The following ALDH7A1 variants were observed in gnomAD, a reference collection of about 807,000 sequenced individuals.
The protein encoded by ALDH7A1 is aldehyde dehydrogenase 7 family member A1.
A neutral mutation model predicts 79.9 loss-of-function variants in ALDH7A1; 63 were observed. The observed-to-expected ratio is 0.79, with a 90% CI of 0.64 to 0.97. The LOEUF (loss-of-function observed/expected upper bound fraction) is 0.97. Among genes scored for constraint, ALDH7A1 ranks in the 50% least tolerant of loss-of-function variants. The pLI, the probability that ALDH7A1 is intolerant of heterozygous loss-of-function variation, is 0.00. For missense variants in ALDH7A1, 627 were observed against 665.2 expected (o/e 0.94, Z 0.63); for synonymous variants, 240 against 231.2 (o/e 1.04, Z -0.34).
Position 126,570,793 on chromosome 5 carries a change from T to A in ALDH7A1, c.762A>T (p.Gly254=). ...GCCTAGTAACCTACCCAATATCTGC[T>A]CCACCACAAGTCAAGGAACAAATTG... ...PGAICSLTCG[G]ADIGTAMAKD... The change falls in exon 8 of 18, where the codon GGA becomes GGT. Residue 254 remains glycine, a synonymous_variant. Transcript: ENST00000409134. 1.2e-6 allele frequency: 2 copies of A among 1,613,950 alleles called. No homozygotes were observed. The highest frequency in any genetic ancestry group is 2.7e-5 in the African/African-American group (2 of 75,030).
chr5:126,549,420 T>C (rs1749913090), intron 16 of ALDH7A1: 1 of 156,084 alleles, frequency 6.4e-6, no homozygotes, highest in Non-Finnish European at 1.4e-5. Context: ...ATACAATGGT[T>C]AGGGAGAGTT....
chr5:126,565,277 C>T (rs1750535241), intron 9 of ALDH7A1, among the ~76,000 whole-genome samples: 1 of 151,616 alleles, frequency 6.6e-6, no homozygotes. Flanking sequence ...CCTGTAATCC[C>T]AGCTACTTGG....
rs1554097444 is a variant in ALDH7A1, at chr5:126,542,146, G to GAC, written c.*2818_*2819insGT. 2.1e-5 allele frequency: 2 copies of GAC among 94,556 alleles called. No homozygotes were observed. Among genetic ancestry groups the GAC allele is most frequent in the Admixed American group, 1.1e-4 (1 of 9,400 alleles). The allele number at this position is 94,556 out of a possible 1,614,324, so 5.9% of individuals were successfully genotyped here. On this transcript the variant is annotated 3_prime_UTR_variant, in exon 18 of 18. Coordinates refer to ENST00000409134, the MANE Select transcript of ALDH7A1 (RefSeq NM_001182.5). ...TTCTGCAGGATAAGCTCCAGGTGTA[G>GAC]AAAAAAAAAAAAAAAAAAAAGTTTG...
chr5:126,589,472 T>C (rs1751468149), intron 3 of ALDH7A1, among the ~76,000 whole-genome samples: 2 of 151,704 alleles, frequency 1.3e-5, no homozygotes, highest in Non-Finnish European at 1.5e-5. Flanking sequence ...TTTGTTTTTG[T>C]TTTTTTTAAG....
At chr5:126,571,567 G>C (rs1750778570) in intron 7 of ALDH7A1, among the ~76,000 whole-genome samples, 1 of 151,818 alleles carries the variant, frequency 6.6e-6, no homozygotes. Context: ...AACTGTCATT[G>C]TTTTCAAGTA....
chr5:126,568,380 G>A, intron 8 of ALDH7A1, 24 bp from the exon 9 acceptor site: 1 of 1,601,684 alleles, frequency 6.2e-7, no homozygotes, highest in Non-Finnish European at 8.6e-7. Flanking sequence ...GACACGGTCG[G>A]CCACCCAAGC....
chr5:126,584,277 A>G (rs993497444), intron 3 of ALDH7A1: 3 of 467,214 alleles, frequency 6.4e-6, no homozygotes, highest in Non-Finnish European at 1.2e-5. Context: ...AATTGCCATC[A>G]GGGTTTTAAA....
intron 7 of ALDH7A1, among the ~76,000 whole-genome samples, chr5:126,573,571 A>G (rs1414843106): frequency 6.6e-6 from 1 of 151,734 alleles, no homozygotes; most frequent in African/African-American, 2.4e-5. Context: ...GGTGGCGCAC[A>G]CCTGTAGTCC....
intron 10 of ALDH7A1, 104 bp from the exon 11 acceptor site, chr5:126,559,438 T>TTG (rs1750323523): frequency 1.3e-6 from 1 of 788,950 alleles, no homozygotes. Flanking sequence ...GTTTTGGTTT[T>TTG]TTTTTTTTTT....
At chr5:126,550,368 C>G in intron 14 of ALDH7A1, 75 bp from the exon 15 acceptor site, 1 of 1,110,862 alleles carries the variant, frequency 9.0e-7, no homozygotes, top group East Asian at 2.4e-5. Context: ...AAACTCATTT[C>G]CTGAAGTGTA....
intron 13 of ALDH7A1, among the ~76,000 whole-genome samples, chr5:126,552,486 G>A (rs546981583): frequency 3.3e-5 from 5 of 152,200 alleles, no homozygotes; most frequent in African/African-American, 4.8e-5. Flanking sequence ...TCCGTCTCCC[G>A]GGTTCAAGCC....
chr5:126,585,804 C>A (rs183331622), intron 3 of ALDH7A1, among the ~76,000 whole-genome samples: 30 of 152,234 alleles, frequency 2.0e-4, no homozygotes, highest in Admixed American at 2.0e-3. Flanking sequence ...CCCAGGTAAT[C>A]CGCCTGCCTC....
chr5:126,595,165 C>G lies in ALDH7A1; in HGVS notation c.34G>C (p.Ala12Pro). 1 of 1,554,632 alleles carries G rather than the reference C, an allele frequency of 6.4e-7. No homozygotes were observed. Among genetic ancestry groups the G allele is most frequent in the Non-Finnish European group, 8.7e-7 (1 of 1,148,618 alleles). ...CCAGAGAGCTTGCTGGTCTTTGCAG[C>G]GTGCACACACAGCGCGCGAGGAAGG... is the stretch of plus-strand genomic sequence containing the variant. ...WRLPRALCVH[A>P]AKTSKLSGPW... The change falls in exon 1 of 18, where the codon GCT becomes CCT. Residue 12 changes from alanine to proline, a missense_variant. Transcript: ENST00000409134.
Position 126,544,693 on chromosome 5 carries a change from A to G in ALDH7A1, c.*272T>C. On this transcript the variant is annotated 3_prime_UTR_variant, in exon 18 of 18. Transcript: ENST00000409134. The stretch of plus-strand genomic sequence containing the variant: ...ATTTTTTTCTAATTACAAAATAATC[A>G]TTAACTTTTAAAAAGCCATGTACAA... 1 of 445,508 alleles carries G rather than the reference A, an allele frequency of 2.2e-6. No homozygotes were observed. Among genetic ancestry groups the G allele is most frequent in the Non-Finnish European group, 4.1e-6 (1 of 243,974 alleles). 27.6% of individuals were successfully genotyped at this position (445,508 alleles called of 1,614,324 possible).
rs376618299 is a variant in ALDH7A1, at chr5:126,555,182, C to T, written c.1093+749G>A. The stretch of plus-strand genomic sequence containing the variant: ...AAAAAGAAGAAATCAAGAGGACTCT[C>T]GGTTTTAATCTAAAAGCAGGCCTGG... On this transcript the variant is annotated intron_variant, in intron 12 of 17. Coordinates refer to ENST00000409134, the MANE Select transcript of ALDH7A1 (RefSeq NM_001182.5). The T allele has an allele frequency of 1.6e-3, 240 of 153,608 alleles. 10 individuals carry two copies. In the South Asian group the frequency reaches 0.043, roughly 28 times the overall value. 9.5% of individuals were successfully genotyped at this position (153,608 alleles called of 1,614,324 possible).
At chr5:126,559,410 T>G in intron 10 of ALDH7A1, 76 bp from the exon 11 acceptor site, 2 of 1,106,740 alleles carry the variant, frequency 1.8e-6, no homozygotes, top group East Asian at 4.9e-5. Flanking sequence ...TATAAAACAA[T>G]GTTGTTTTTT....
chr5:126,594,353 G>C (rs530335400), intron 1 of ALDH7A1: 18 of 448,670 alleles, frequency 4.0e-5, no homozygotes, highest in Non-Finnish European at 4.2e-5. Flanking sequence ...AAGAGCCAGA[G>C]TTAAGCTCTA....
chr5:126,593,568 T>C, intron 1 of ALDH7A1, 164 bp from the exon 2 acceptor site: 1 of 980,406 alleles, frequency 1.0e-6, no homozygotes, highest in Admixed American at 2.4e-5. Context: ...TCTACAGAGG[T>C]TGTCTTTCAT....
chr5:126,548,850 A>G (rs914357993), intron 16 of ALDH7A1, among the ~76,000 whole-genome samples: 2 of 147,866 alleles, frequency 1.4e-5, no homozygotes, highest in Non-Finnish European at 3.0e-5. Context: ...GCTTGAGCCC[A>G]GGAATTTAAG....
Sources: gnomAD v4.1 joint callset for allele counts (sites outside exome capture counted in the v4.1 genomes callset) on GRCh38, gnomAD v4.1.1 for gene constraint, MANE v1.5 for transcripts, NCBI Gene and HGNC (gene_info 2026-07-23, HGNC 2026-07-21) for gene names.